Variants in PRKCQ observed in about 807,000 individuals in gnomAD.
PRKCQ encodes the protein protein kinase C theta type.
A neutral mutation model predicts 91.2 loss-of-function variants in PRKCQ; 41 were observed. The ratio of observed to expected loss-of-function variants is 0.45; its 90% confidence interval spans 0.35 to 0.58. The LOEUF (loss-of-function observed/expected upper bound fraction) is 0.58. Ranked by LOEUF, PRKCQ falls within the 20% of genes least tolerant of loss-of-function variation. The probability of loss-of-function intolerance (pLI) is 0.00; values close to 1 mark genes in which losing one functional copy is unlikely to be tolerated. For synonymous variants in PRKCQ, 307 were observed against 316.9 expected, an observed-to-expected ratio of 0.97 and a Z score of 0.33; for missense variants, 673 against 896.5, an observed-to-expected ratio of 0.75 and a Z score of 3.18.
chr10:6,491,433 G>C (rs571021931), intron 8 of PRKCQ, among the ~76,000 whole-genome samples: 1 of 152,330 alleles, frequency 6.6e-6, no homozygotes, highest in African/African-American at 2.4e-5. Flanking sequence ...GAAGGTGATG[G>C]AGCTAGGAGT....
At chr10:6,566,239 A>G (rs1373759390) in intron 1 of PRKCQ, among the ~76,000 whole-genome samples, 1 of 152,166 alleles carries the variant, frequency 6.6e-6, no homozygotes, top group Non-Finnish European at 1.5e-5. Context: ...GTGGGACTGC[A>G]CTTCGGTTTA....
chr10:6,526,442 T>C (rs575381533), intron 1 of PRKCQ, among the ~76,000 whole-genome samples: 89 of 151,564 alleles, frequency 5.9e-4, no homozygotes, highest in Non-Finnish European at 1.1e-3. Context: ...ACCAGGTGAC[T>C]CCCATGAAAC....
chr10:6,526,625 C>A (rs1473024766), intron 1 of PRKCQ, among the ~76,000 whole-genome samples: 3 of 151,958 alleles, frequency 2.0e-5, no homozygotes, highest in Non-Finnish European at 4.4e-5. Context: ...GGTGTGAGGT[C>A]GGAGCTGCCA....
chr10:6,549,624 CTT>C (rs753280727), intron 1 of PRKCQ, among the ~76,000 whole-genome samples: 9,217 of 124,168 alleles, frequency 0.074, 243 homozygotes, highest in Middle Eastern at 0.13. Flanking sequence ...TAAAATTCAT[CTT>C]TTTTTTTTTT....
chr10:6,563,633 A>T (rs968985328), intron 1 of PRKCQ, among the ~76,000 whole-genome samples: 1 of 151,042 alleles, frequency 6.6e-6, no homozygotes, highest in Non-Finnish European at 1.5e-5. Flanking sequence ...CCAGGCTCCA[A>T]CTCTCCATGG....
At chr10:6,532,956 C>T (rs183104863) in intron 1 of PRKCQ, among the ~76,000 whole-genome samples, 169 of 152,204 alleles carry the variant, frequency 1.1e-3, no homozygotes, top group African/African-American at 3.8e-3. Flanking sequence ...CATATTCCCC[C>T]CTGAATCTAA....
rs1452548903 is a variant in PRKCQ at position 6,497,190 on chromosome 10, T to C, written c.574+30A>G. The C allele has an allele frequency of 1.2e-6, 2 of 1,614,174 alleles. No individual in the cohort carries two copies. The highest frequency in any genetic ancestry group is 1.1e-5 in the South Asian group (1 of 91,088). ...AGGAATAACTAAATAAAAAGAATGATGGTAATGCAACCAAAACCCTCTTAC... is the reference window on the plus strand; with the variant it reads ...AGGAATAACTAAATAAAAAGAATGACGGTAATGCAACCAAAACCCTCTTAC... On this transcript the variant is annotated intron_variant, in intron 6 of 17. Coordinates refer to ENST00000263125, the MANE Select transcript of PRKCQ (RefSeq NM_006257.5). This position sits in a 1 kb window ranked among gnomAD's most constrained non-coding sequence, Gnocchi z 4.5.
intron 12 of PRKCQ, among the ~76,000 whole-genome samples, chr10:6,472,058 T>C (rs656350): frequency 0.64 from 97,452 of 152,022 alleles, 32,758 homozygotes; most frequent in Middle Eastern, 0.77. Context: ...CCCGTAATCC[T>C]AGCACTCTGG....
intron 1 of PRKCQ, among the ~76,000 whole-genome samples, chr10:6,574,874 T>C (rs1841171474): frequency 6.6e-6 from 1 of 152,116 alleles, no homozygotes; most frequent in Non-Finnish European, 1.5e-5. Context: ...CACTGCCACT[T>C]CCCCTTCAGG....
At chr10:6,522,210 G>A (rs868666882) in intron 1 of PRKCQ, among the ~76,000 whole-genome samples, 1 of 152,148 alleles carries the variant, frequency 6.6e-6, no homozygotes, top group African/African-American at 2.4e-5. Context: ...CCAAAGTGCC[G>A]GGATTACAAG....
intron 15 of PRKCQ, among the ~76,000 whole-genome samples, 192 bp from the exon 16 acceptor site, chr10:6,442,273 TTGAGTC>T (rs1445121695): frequency 1.3e-5 from 2 of 152,180 alleles, no homozygotes; most frequent in African/African-American, 4.8e-5. Context: ...ATTTTTGAGT[TTGAGTC>T]TGAGTAAACA....
At chr10:6,528,266 C>A (rs1489142774) in intron 1 of PRKCQ, among the ~76,000 whole-genome samples, 1 of 152,084 alleles carries the variant, frequency 6.6e-6, no homozygotes, top group Non-Finnish European at 1.5e-5. Context: ...CTCAGTCACT[C>A]ATTTTTTGGT....
the PRKCQ span, among the ~76,000 whole-genome samples, chr10:6,396,944 C>A: frequency 2.0e-5 from 3 of 152,176 alleles, no homozygotes; most frequent in Non-Finnish European, 4.4e-5. Context: ...TCAACACATG[C>A]GATTGCCCAT....
At chr10:6,499,186 G>T (rs970677708) in intron 4 of PRKCQ, among the ~76,000 whole-genome samples, 1 of 152,066 alleles carries the variant, frequency 6.6e-6, no homozygotes, top group Non-Finnish European at 1.5e-5. Flanking sequence ...TGTGAAAAAG[G>T]CCAGAAAATT....
the PRKCQ span, among the ~76,000 whole-genome samples, chr10:6,406,638 A>C: frequency 6.6e-6 from 1 of 152,244 alleles, no homozygotes; most frequent in Non-Finnish European, 1.5e-5. Context: ...TTTTATAGAC[A>C]CAAAACAGTT....
At chr10:6,552,595 G>A (rs1219173221) in intron 1 of PRKCQ, among the ~76,000 whole-genome samples, 2 of 151,702 alleles carry the variant, frequency 1.3e-5, no homozygotes, top group East Asian at 3.9e-4. Flanking sequence ...GTCCCAACTA[G>A]TTACACTGCA....
At chr10:6,401,810 AC>A in the PRKCQ span, among the ~76,000 whole-genome samples, 33 of 152,168 alleles carry the variant, frequency 2.2e-4, no homozygotes, top group Non-Finnish European at 3.2e-4. Context: ...TCCTACAAAT[AC>A]ATAGGTTACA....
the PRKCQ span, among the ~76,000 whole-genome samples, chr10:6,408,512 A>G: frequency 6.6e-6 from 1 of 151,678 alleles, no homozygotes; most frequent in Non-Finnish European, 1.5e-5. Context: ...CTGCCACCAC[A>G]CCCAGCTAAT....
intron 1 of PRKCQ, among the ~76,000 whole-genome samples, chr10:6,545,296 A>C (rs1408727088): frequency 3.3e-5 from 5 of 152,230 alleles, no homozygotes. Flanking sequence ...CTGTTGCTTT[A>C]CCTGATTTTA....
Sources: allele counts gnomAD v4.1 joint callset (sites outside exome capture counted in the v4.1 genomes callset), GRCh38; gene constraint gnomAD v4.1.1; non-coding constraint Gnocchi (gnomAD v3.1); transcripts MANE v1.5; gene names NCBI Gene and HGNC (gene_info 2026-07-23, HGNC 2026-07-21).